The following SLC7A6 variants were observed in gnomAD, a reference collection of about 807,000 sequenced individuals.
SLC7A6 encodes Y+L amino acid transporter 2.
In SLC7A6, 29 loss-of-function variants were observed where a neutral mutation model predicts 46.6. That is an observed-to-expected ratio of 0.62 (90% confidence interval 0.46 to 0.85). The LOEUF is 0.85. Among genes scored for constraint, SLC7A6 ranks in the 40% least tolerant of loss-of-function variants. SLC7A6 has a pLI of 0.00. For synonymous variants in SLC7A6, 276 were observed against 257.3 expected (o/e 1.07, Z -0.70); for missense variants, 527 against 647.6 (o/e 0.81, Z 2.02).
At chr16:68,287,234 TC>T in intron 3 of SLC7A6, 1 of 1,011,940 alleles carries the variant, frequency 9.9e-7, no homozygotes, top group Non-Finnish European at 1.3e-6. Flanking sequence ...TGCCTCAGTT[TC>T]CCAAAGTGCT....
intron 2 of SLC7A6, among the ~76,000 whole-genome samples, chr16:68,270,270 C>T (rs1399256410): frequency 6.6e-6 from 1 of 152,030 alleles, no homozygotes; most frequent in Non-Finnish European, 1.5e-5. Context: ...TGCTCCTGCC[C>T]TTTTCCCAGG....
rs879183178 is a variant in SLC7A6, at chr16:68,301,229, A to G, written c.*3901A>G. 6 of 1,591,556 alleles carry G rather than the reference A, an allele frequency of 3.8e-6. No homozygotes were observed. The South Asian group carries it at 5.6e-5, about 15-fold the overall frequency. On this transcript the variant is annotated 3_prime_UTR_variant, in exon 11 of 11. Coordinates refer to ENST00000219343, the MANE Select transcript of SLC7A6 (RefSeq NM_003983.6). ...GCAGGGCAGTTAACTCTGGACTCAG[A>G]GCCCTCAAGGGCATGTGGCAGAACC...
chr16:68,300,517 A>G lies in SLC7A6; in HGVS notation c.*3189A>G, dbSNP rs1310093742. The G allele has an allele frequency of 1.4e-6, 1 of 719,544 alleles. No homozygotes were observed. The highest frequency in any genetic ancestry group is 6.3e-5 in the Admixed American group (1 of 15,976). 44.6% of individuals were successfully genotyped at this position (719,544 alleles called of 1,614,324 possible). A position where few individuals can be genotyped will look rare whatever the true frequency, so the allele number is the denominator to read the frequency against. On this transcript the variant is annotated 3_prime_UTR_variant, in exon 11 of 11. Transcript: ENST00000219343. Reference sequence around the variant, plus strand: ...TACTTTGTTTTTCCTCCCTTGCCTTAAGTCCTTGGTATTTATAATCAATGC... The same window carrying G: ...TACTTTGTTTTTCCTCCCTTGCCTTGAGTCCTTGGTATTTATAATCAATGC...
Position 68,274,710 on chromosome 16 carries a change from T to C in SLC7A6, c.-17T>C, listed in dbSNP as rs2042678028. The C allele has an allele frequency of 1.9e-6, 3 of 1,613,544 alleles. No individual in the cohort carries two copies. The African/African-American group carries it at 4.0e-5, about 22-fold the overall frequency. ...TGCCAGGCCACAGCAAACACAGGTG[T>C]GCAGGAACCGTTTGTCATGGAAGCC... On this transcript the variant is annotated 5_prime_UTR_variant, in exon 3 of 11. Coordinates refer to ENST00000219343, the MANE Select transcript of SLC7A6 (RefSeq NM_003983.6).
chr16:68,287,640 C>A, intron 3 of SLC7A6, 106 bp from the exon 4 acceptor site: 1 of 1,543,246 alleles, frequency 6.5e-7, no homozygotes, highest in Non-Finnish European at 8.8e-7. Flanking sequence ...CCATTGGCCC[C>A]TTTGCCTTAG....
intron 7 of SLC7A6, chr16:68,292,565 G>A (rs1487126491): frequency 6.6e-6 from 1 of 152,098 alleles, no homozygotes; most frequent in Non-Finnish European, 1.5e-5. Context: ...GTCTCACTAT[G>A]TTGCCCAGGC....
At chr16:68,291,801 T>TG in intron 7 of SLC7A6, 140 bp downstream of exon 7, 1 of 309,450 alleles carries the variant, frequency 3.2e-6, no homozygotes, top group Non-Finnish European at 5.5e-6. Flanking sequence ...GTGTGTGTGT[T>TG]TGGTATGTGG....
At position 68,287,736 on chromosome 16, in the gene SLC7A6, T is replaced by G. The variant is rs1021436759; in HGVS notation, c.524-10T>G. On this transcript the variant is annotated splice_polypyrimidine_tract_variant and intron_variant, in intron 3 of 10. Coordinates refer to ENST00000219343, the MANE Select transcript of SLC7A6 (RefSeq NM_003983.6). ...CAAGCCTGCCAGTGACTTTGTGGTT[T>G]TCCTCCTAGGTCTGCTGACATTTGT... 2 of 1,610,664 alleles carry G rather than the reference T, an allele frequency of 1.2e-6. No homozygotes were observed.
chr16:68,290,644 C>T, intron 5 of SLC7A6, 104 bp downstream of exon 5: 2 of 1,321,110 alleles, frequency 1.5e-6, no homozygotes, highest in Non-Finnish European at 2.1e-6. Context: ...ACTCTCCTCC[C>T]CTCTTCTCCC....
chr16:68,291,800 T>TGTGTGTGTGTGTGTGTGTG, intron 7 of SLC7A6, 139 bp downstream of exon 7: 1 of 706,410 alleles, frequency 1.4e-6, no homozygotes, highest in Non-Finnish European at 2.4e-6. Flanking sequence ...TGTGTGTGTG[T>TGTGTGTGTGTGTGTGTGTG]TTGGTATGTG....
At position 68,294,735 on chromosome 16, in the gene SLC7A6, C is replaced by T. The variant is rs1431128505; in HGVS notation, c.1053C>T (p.His351=). Residue 351 remains histidine (H), a synonymous_variant, in exon 8 of 11, where the codon CAC becomes CAT. Coordinates refer to ENST00000219343, the MANE Select transcript of SLC7A6 (RefSeq NM_003983.6). ...TCTTCGTGGGCTCCCGGGAGGGCCACCTACCGGACCTTCTGTCCATGATCC... is the reference window on the plus strand; with the variant it reads ...TCTTCGTGGGCTCCCGGGAGGGCCATCTACCGGACCTTCTGTCCATGATCC... ...RLFFVGSREG[H]LPDLLSMIHI... 5 of 1,613,994 alleles carry T rather than the reference C, an allele frequency of 3.1e-6. No individual in the cohort carries two copies. The South Asian group carries it at 4.4e-5, about 14-fold the overall frequency.
In SLC7A6 at chr16:68,279,169, C is replaced by T. The variant is rs992077065; in HGVS notation, c.523+3920C>T. ...TGGGCAACAAAGCAAGACCCCACCTCTAAAAAAAAAAAAAATTAGGCATGG... is the reference window on the plus strand; with the variant it reads ...TGGGCAACAAAGCAAGACCCCACCTTTAAAAAAAAAAAAAATTAGGCATGG... On this transcript the variant is annotated intron_variant, in intron 3 of 10. Transcript: ENST00000219343. 1.3e-4 allele frequency among the ~76,000 whole-genome samples: 8 copies of T among 59,702 alleles called. No individual in the cohort carries two copies. The East Asian group carries it at 6.0e-3, about 44-fold the overall frequency. The allele number at this position is 59,702 out of a possible 152,430, so 39.2% of individuals were successfully genotyped here.
rs1225177876 is a variant in SLC7A6 at position 68,296,533 on chromosome 16, C to T, written c.1269+20C>T. The stretch of plus-strand genomic sequence containing the variant: ...CTCAAGGTCAGCAGCTCTGGCCAGA[C>T]TAGGAGGGGTGGGCCATCTCCCTAA... On this transcript the variant is annotated intron_variant, in intron 9 of 10. Transcript: ENST00000219343. 7 of 1,614,018 alleles carry T rather than the reference C, an allele frequency of 4.3e-6. No individual in the cohort carries two copies. The highest frequency in any genetic ancestry group is 1.7e-5 in the Admixed American group (1 of 60,002).
Position 68,274,672 on chromosome 16 carries a change from T to A in SLC7A6, c.-36-19T>A. 5.0e-6 allele frequency: 8 copies of A among 1,600,600 alleles called. No individual in the cohort carries two copies. The highest frequency in any genetic ancestry group is 6.8e-6 in the Non-Finnish European group (8 of 1,171,024). ...CACCAGCTCCTGCCCTAGACTGACA[T>A]ACTTGTATTCTTTGCCAGGCCACAG... is the stretch of plus-strand genomic sequence containing the variant. On this transcript the variant is annotated intron_variant, in intron 2 of 10. Coordinates refer to ENST00000219343, the MANE Select transcript of SLC7A6 (RefSeq NM_003983.6).
chr16:68,288,964 T>C (rs1300082570), intron 4 of SLC7A6, among the ~76,000 whole-genome samples: 8 of 108,412 alleles, frequency 7.4e-5, no homozygotes, highest in African/African-American at 2.3e-4. Context: ...CAAGATTCCA[T>C]CTCAAAAAAA....
intron 7 of SLC7A6, 101 bp downstream of exon 7, chr16:68,291,762 G>GTGTGTGTGTGTGTGTGTGTGT: frequency 1.5e-5 from 8 of 545,988 alleles, no homozygotes; most frequent in African/African-American, 4.3e-5. Flanking sequence ...GGGCATATAG[G>GTGTGTGTGTGTGTGTGTGTGT]GTGTGTGTGT....
rs2043221661 is a variant in SLC7A6, at chr16:68,298,960, TA to T, written c.*1634del. 6.6e-6 allele frequency: 1 copy of T among 152,652 alleles called. No individual in the cohort carries two copies. The highest frequency in any genetic ancestry group is 2.4e-5 in the African/African-American group (1 of 41,452). 9.5% of individuals were successfully genotyped at this position (152,652 alleles called of 1,614,324 possible). On this transcript the variant is annotated 3_prime_UTR_variant, in exon 11 of 11. Transcript: ENST00000219343. ...CCATTCTTCTCCACCCAGTCACAGA[TA>T]AGGGAATAACCTTGGCCATATATTT...
intron 3 of SLC7A6, among the ~76,000 whole-genome samples, chr16:68,276,898 G>C (rs2042720927): frequency 6.6e-6 from 1 of 151,818 alleles, no homozygotes; most frequent in African/African-American, 2.4e-5. Flanking sequence ...AGGAGGCTGA[G>C]ATGGGAGGAT....
At position 68,279,170 on chromosome 16, in the gene SLC7A6, T is replaced by TAA. The variant is rs66832488; in HGVS notation, c.523+3934_523+3935dup. Among the ~76,000 whole-genome samples the TAA allele has an allele frequency of 5.9e-4, 85 of 144,928 alleles. 1 individual carries two copies. Among genetic ancestry groups the TAA allele is most frequent in the Middle Eastern group, 6.9e-3 (2 of 290 alleles). The stretch of plus-strand genomic sequence containing the variant: ...GGGCAACAAAGCAAGACCCCACCTC[T>TAA]AAAAAAAAAAAAAATTAGGCATGGT... On this transcript the variant is annotated intron_variant, in intron 3 of 10. Coordinates refer to ENST00000219343, the MANE Select transcript of SLC7A6 (RefSeq NM_003983.6).
Sources: gnomAD v4.1 joint callset for allele counts (sites outside exome capture counted in the v4.1 genomes callset) on GRCh38, gnomAD v4.1.1 for gene constraint, MANE v1.5 for transcripts, NCBI Gene and HGNC (gene_info 2026-07-23, HGNC 2026-07-21) for gene names.